Variants in LSAMP observed in about 807,000 individuals in gnomAD.
The protein encoded by LSAMP is limbic system associated membrane protein.
Under a neutral mutation model 38.6 loss-of-function variants are expected in LSAMP, and 7 were observed. The observed-to-expected ratio is 0.18, with a 90% CI of 0.10 to 0.34. The LOEUF (loss-of-function observed/expected upper bound fraction) is 0.34. Among genes scored for constraint, LSAMP ranks in the 10% least tolerant of loss-of-function variants. The pLI, the probability that LSAMP is intolerant of heterozygous loss-of-function variation, is 1.00. For missense variants in LSAMP, 313 were observed against 420.0 expected, an observed-to-expected ratio of 0.75 and a Z score of 2.23; for synonymous variants, 154 against 166.8, an observed-to-expected ratio of 0.92 and a Z score of 0.59.
At chr3:116,065,334 A>G (rs1425504625) in intron 2 of LSAMP, among the ~76,000 whole-genome samples, 2 of 152,234 alleles carry the variant, frequency 1.3e-5, no homozygotes, top group East Asian at 1.9e-4. Flanking sequence ...ATTTCATCAG[A>G]CAGTAATGCC....
rs147008995 is a variant in LSAMP at position 115,912,366 on chromosome 3, G to T, written c.515-59749C>A. On this transcript the variant is annotated intron_variant, in intron 3 of 6. Transcript: ENST00000490035. Reference sequence around the variant, plus strand: ...TGTTTAATTTTTTCTTTTTGTGCATGCATGTCCAACTGCTGCAAACCTCTT... The same window carrying T: ...TGTTTAATTTTTTCTTTTTGTGCATTCATGTCCAACTGCTGCAAACCTCTT... Among the ~76,000 whole-genome samples, 5 of 152,304 alleles carry T rather than the reference G, an allele frequency of 3.3e-5. No homozygotes were observed. The East Asian group carries it at 9.6e-4, about 29-fold the overall frequency.
intron 3 of LSAMP, among the ~76,000 whole-genome samples, chr3:115,915,365 G>A (rs1278367430): frequency 2.6e-5 from 4 of 152,218 alleles, no homozygotes; most frequent in Admixed American, 2.0e-4. Flanking sequence ...GTTGTAAAAG[G>A]TGTTGTTGAC....
At chr3:116,262,527 G>A (rs542957484) in intron 1 of LSAMP, among the ~76,000 whole-genome samples, 3 of 152,246 alleles carry the variant, frequency 2.0e-5, no homozygotes, top group Admixed American at 6.5e-5. Context: ...CCCTGTCTGG[G>A]ATTCTAGGCT....
chr3:116,169,549 C>T (rs527582392), intron 1 of LSAMP, among the ~76,000 whole-genome samples: 2 of 152,184 alleles, frequency 1.3e-5, no homozygotes, highest in African/African-American at 4.8e-5. Flanking sequence ...CAATACACAG[C>T]CCTACGACTG....
intron 3 of LSAMP, among the ~76,000 whole-genome samples, chr3:115,854,412 A>G (rs1430966132): frequency 6.7e-6 from 1 of 150,202 alleles, no homozygotes; most frequent in Non-Finnish European, 1.5e-5. Context: ...CCTCCCGAGT[A>G]GCTGGGACTA....
intron 1 of LSAMP, among the ~76,000 whole-genome samples, chr3:116,436,845 AAAG>A (rs2049356815): frequency 6.6e-6 from 1 of 152,130 alleles, no homozygotes; most frequent in African/African-American, 2.4e-5. Flanking sequence ...GCCCAGAGGA[AAAG>A]AAGTCATTAT....
intron 3 of LSAMP, among the ~76,000 whole-genome samples, chr3:115,997,197 A>G (rs1052736412): frequency 6.6e-6 from 1 of 152,260 alleles, no homozygotes; most frequent in East Asian, 1.9e-4. Flanking sequence ...CTTTGTGTTC[A>G]TTTATATGCT....
rs747418214 is a variant in LSAMP, at chr3:116,444,807, C to CAA, written c.155+69_155+70insTT. ...GATCAGACACACACACACACACACA[C>CAA]ACAAACACACACACACACACACACA... On this transcript the variant is annotated intron_variant, in intron 1 of 6. Transcript: ENST00000490035. The CAA allele has an allele frequency of 7.0e-4, 658 of 938,022 alleles. 2 individuals carry two copies. In the African/African-American group the frequency reaches 9.3e-3, roughly 13 times the overall value. 58.1% of individuals were successfully genotyped at this position (938,022 alleles called of 1,614,324 possible).
intron 3 of LSAMP, among the ~76,000 whole-genome samples, chr3:115,873,985 G>A (rs1936115915): frequency 6.6e-6 from 1 of 152,104 alleles, no homozygotes; most frequent in South Asian, 2.1e-4. Context: ...AGGATGCAGA[G>A]CCTCTATGTA....
chr3:116,033,255 G>C lies in LSAMP; in HGVS notation c.389-13615C>G, dbSNP rs577796212. Among the ~76,000 whole-genome samples the C allele has an allele frequency of 4.6e-5, 7 of 152,136 alleles. No individual in the cohort carries two copies. In the East Asian group the frequency reaches 1.4e-3, roughly 30 times the overall value. On this transcript the variant is annotated intron_variant, in intron 2 of 6. Transcript: ENST00000490035. ...CTCTTTTTAAAACTCAAGAAGGGGG[G>C]CATGGCGATGATGGTGAGAAGGAGC...
intron 1 of LSAMP, among the ~76,000 whole-genome samples, chr3:116,392,008 G>A (rs2048707253): frequency 6.6e-6 from 1 of 152,166 alleles, no homozygotes; most frequent in Non-Finnish European, 1.5e-5. Flanking sequence ...GCAGGGCCAT[G>A]AGCCTGGTGA....
chr3:116,267,704 C>T (rs769459006), intron 1 of LSAMP, among the ~76,000 whole-genome samples: 196 of 151,700 alleles, frequency 1.3e-3, no homozygotes, highest in Non-Finnish European at 2.2e-3. Flanking sequence ...ATCCTCTGTT[C>T]GTCTGTTTTT....
chr3:116,217,146 C>T (rs989106286), intron 1 of LSAMP, among the ~76,000 whole-genome samples: 1 of 152,114 alleles, frequency 6.6e-6, no homozygotes, highest in Admixed American at 6.6e-5. Context: ...GGTGGCTGTT[C>T]TGGTACGAGC....
chr3:116,034,891 T>C (rs1182419892), intron 2 of LSAMP, among the ~76,000 whole-genome samples: 2 of 152,112 alleles, frequency 1.3e-5, no homozygotes, highest in Non-Finnish European at 2.9e-5. Context: ...ATATTTAACA[T>C]ATATATAGTG....
chr3:116,115,018 C>T (rs1268024874), intron 1 of LSAMP, among the ~76,000 whole-genome samples: 2 of 152,124 alleles, frequency 1.3e-5, no homozygotes, highest in African/African-American at 4.8e-5. Context: ...GCATGTTATT[C>T]ACCTTTTTAT....
chr3:115,833,499 G>T (rs923338523), intron 6 of LSAMP, among the ~76,000 whole-genome samples: 1 of 151,526 alleles, frequency 6.6e-6, no homozygotes, highest in African/African-American at 2.4e-5. Context: ...TCCTTAGTTC[G>T]AAAATAATTA....
chr3:116,194,060 C>T (rs142127978), intron 1 of LSAMP, among the ~76,000 whole-genome samples: 7 of 152,238 alleles, frequency 4.6e-5, no homozygotes, highest in Non-Finnish European at 8.8e-5. Context: ...TACCAGTTAA[C>T]GCAATCCGAC....
intron 2 of LSAMP, among the ~76,000 whole-genome samples, chr3:116,055,969 T>C (rs1037175793): frequency 2.0e-5 from 3 of 152,082 alleles, no homozygotes; most frequent in African/African-American, 7.2e-5. Context: ...CTGCTTTTTT[T>C]TTCCCCCAGC....
At chr3:116,036,489 A>G (rs1941048443) in intron 2 of LSAMP, among the ~76,000 whole-genome samples, 1 of 152,134 alleles carries the variant, frequency 6.6e-6, no homozygotes. Context: ...GTCTTTGACT[A>G]ATTCTGTGCC....
Sources: gnomAD v4.1 joint callset for allele counts (sites outside exome capture counted in the v4.1 genomes callset) on GRCh38, gnomAD v4.1.1 for gene constraint, MANE v1.5 for transcripts, NCBI Gene and HGNC (gene_info 2026-07-23, HGNC 2026-07-21) for gene names.